Variants in HIVEP3 observed in about 807,000 individuals in gnomAD.
HIVEP3 encodes the protein HIVEP zinc finger 3.
In HIVEP3, 49 loss-of-function variants were observed where a neutral mutation model predicts 152.8. The ratio of observed to expected loss-of-function variants is 0.32; its 90% confidence interval spans 0.26 to 0.41. The LOEUF is 0.41. Among genes scored for constraint, HIVEP3 ranks in the 10% least tolerant of loss-of-function variants. The pLI is 1.00. For missense variants in HIVEP3, 2,790 were observed against 3,103.3 expected (o/e 0.90, Z 2.40); for synonymous variants, 1,269 against 1,289.0 (o/e 0.98, Z 0.33).
chr1:41,893,943 C>T lies in HIVEP3; in HGVS notation c.-801+24470G>A, dbSNP rs184674954. ...ATATATATAAATTGTCTTTCTGAGA[C>T]GAAGTCTCACTCTGTTGCACAGGCC... On this transcript the variant is annotated intron_variant, in intron 1 of 8. Transcript: ENST00000372583. Among the ~76,000 whole-genome samples the T allele has an allele frequency of 1.3e-3, 198 of 148,652 alleles. 1 individual carries two copies. Among genetic ancestry groups the T allele is most frequent in the African/African-American group, 4.3e-3 (176 of 40,460 alleles).
Position 41,579,756 on chromosome 1 carries a change from C to T in HIVEP3, c.5042G>A (p.Arg1681His), listed in dbSNP as rs114498379. 2.1e-3 allele frequency: 3,350 copies of T among 1,584,156 alleles called. 63 individuals carry two copies. The African/African-American group carries it at 0.04, about 19-fold the overall frequency. ...EAGRLVPSSS[R>H]KPRMTEVHLP... ...ACTTACCTCTGTCATGCGGGGCTTG[C>T]GGGAGCTGGATGGCACAAGCCTTCC... The change falls in exon 4 of 9, where the codon CGC becomes CAC. Residue 1681 changes from arginine (R) to histidine (H), a missense_variant. By Grantham distance (29) the Arg-to-His change is conservative. Transcript: ENST00000372583.
chr1:41,756,200 C>A (rs1647298313), intron 1 of HIVEP3, among the ~76,000 whole-genome samples: 1 of 152,052 alleles, frequency 6.6e-6, no homozygotes. Context: ...GTTTTAAAAG[C>A]CGATCTCAAA....
At chr1:41,712,087 C>T (rs1380045868) in intron 1 of HIVEP3, among the ~76,000 whole-genome samples, 15 of 152,140 alleles carry the variant, frequency 9.9e-5, no homozygotes, top group Non-Finnish European at 1.3e-4. Flanking sequence ...AACTGAGGTC[C>T]GGGGAGGAGA....
At chr1:41,871,638 T>C (rs1301757847) in intron 1 of HIVEP3, among the ~76,000 whole-genome samples, 1 of 152,226 alleles carries the variant, frequency 6.6e-6, no homozygotes, top group Admixed American at 6.5e-5. Context: ...TGGGATCAGG[T>C]TGATCTGCTG....
At chr1:41,648,987 G>C (rs1412366751) in intron 2 of HIVEP3, among the ~76,000 whole-genome samples, 1 of 152,226 alleles carries the variant, frequency 6.6e-6, no homozygotes, top group Non-Finnish European at 1.5e-5. Context: ...CTGCGTCCTT[G>C]TCTGCACAGC....
chr1:41,691,371 C>A (rs951686046), intron 2 of HIVEP3, among the ~76,000 whole-genome samples: 2 of 152,198 alleles, frequency 1.3e-5, no homozygotes, highest in Non-Finnish European at 2.9e-5. Context: ...ACTCAGATAA[C>A]TACTGACATG....
intron 3 of HIVEP3, among the ~76,000 whole-genome samples, chr1:41,610,701 G>A (rs760979293): frequency 6.6e-6 from 1 of 152,212 alleles, no homozygotes; most frequent in Non-Finnish European, 1.5e-5. Context: ...CACCCAGGGA[G>A]CCCGGTTTAA....
chr1:41,533,543 C>A lies in HIVEP3; in HGVS notation c.5208-8633G>T, dbSNP rs960109774. On this transcript the variant is annotated intron_variant, in intron 5 of 8. Transcript: ENST00000372583. This position sits in a 1 kb window ranked among gnomAD's most constrained non-coding sequence, Gnocchi z 4.3. Reference sequence around the variant, plus strand: ...TCTATGCTTTTGAGCCGCTGCAGCCCAGCTCTGATGACCAACTGTTCTTGC... The same window carrying A: ...TCTATGCTTTTGAGCCGCTGCAGCCAAGCTCTGATGACCAACTGTTCTTGC... 2.6e-5 allele frequency among the ~76,000 whole-genome samples: 4 copies of A among 152,120 alleles called. No individual in the cohort carries two copies. Among genetic ancestry groups the A allele is most frequent in the Non-Finnish European group, 5.9e-5 (4 of 68,024 alleles).
At chr1:41,517,196 C>T (rs1169537245) in intron 7 of HIVEP3, among the ~76,000 whole-genome samples, 2 of 152,220 alleles carry the variant, frequency 1.3e-5, no homozygotes, top group Non-Finnish European at 2.9e-5. Context: ...TTCAGGCTCC[C>T]CTGGTCCAGC....
At chr1:41,786,132 C>G (rs1190009829) in intron 1 of HIVEP3, among the ~76,000 whole-genome samples, 1 of 152,212 alleles carries the variant, frequency 6.6e-6, no homozygotes, top group African/African-American at 2.4e-5. Flanking sequence ...GATCCTGGCT[C>G]AGCTTACACT....
In HIVEP3 at chr1:41,955,713, T is replaced by C. The variant is rs1015125041; in HGVS notation, n.120-37189A>G. ...CTCATTTTTGTCCTTTCTTTAATAA[T>C]GAACGTGTGACTCAGAGGTTTAATG... On this transcript the variant is annotated intron_variant and non_coding_transcript_variant, in intron 1 of 3. Transcript: ENST00000489103. Among the ~76,000 whole-genome samples the C allele has an allele frequency of 3.9e-5, 6 of 152,210 alleles. No homozygotes were observed. In the East Asian group the frequency reaches 9.6e-4, roughly 24 times the overall value.
At chr1:41,972,090 T>C (rs1054174567) in intron 1 of HIVEP3, among the ~76,000 whole-genome samples, 2 of 152,226 alleles carry the variant, frequency 1.3e-5, no homozygotes, top group Non-Finnish European at 2.9e-5. Flanking sequence ...TATTTTATTA[T>C]AGCAGCACAA....
chr1:41,859,555 A>G (rs1173507005), intron 1 of HIVEP3, among the ~76,000 whole-genome samples: 3 of 152,122 alleles, frequency 2.0e-5, no homozygotes, highest in Non-Finnish European at 4.4e-5. Flanking sequence ...TTCACATCCT[A>G]CCTCCACCAC....
intron 3 of HIVEP3, among the ~76,000 whole-genome samples, chr1:41,622,431 A>G (rs4660549): frequency 0.77 from 116,736 of 152,128 alleles, 45,648 homozygotes; most frequent in East Asian, 1. Context: ...GAACAGGCTG[A>G]ACTGGGAATG....
chr1:41,920,284 A>G (rs1445446859), upstream of HIVEP3, among the ~76,000 whole-genome samples: 3 of 152,098 alleles, frequency 2.0e-5, no homozygotes, highest in African/African-American at 7.2e-5. Flanking sequence ...GCCACCACAG[A>G]CCTGAGCCCA....
At chr1:41,830,319 T>C (rs542486350) in intron 1 of HIVEP3, among the ~76,000 whole-genome samples, 1 of 152,270 alleles carries the variant, frequency 6.6e-6, no homozygotes, top group African/African-American at 2.4e-5. Context: ...GACCAATAAA[T>C]GAATATTCAA....
intron 1 of HIVEP3, among the ~76,000 whole-genome samples, chr1:41,908,056 A>AAAAAC (rs892463203): frequency 2.0e-4 from 30 of 152,308 alleles, no homozygotes; most frequent in Admixed American, 5.2e-4. Flanking sequence ...AGAAATAAGC[A>AAAAAC]AAAACAAAAC....
chr1:41,721,192 A>C (rs1458592781), intron 1 of HIVEP3, among the ~76,000 whole-genome samples: 1 of 150,188 alleles, frequency 6.7e-6, no homozygotes, highest in Admixed American at 6.6e-5. Context: ...CATGTGAAAC[A>C]TTCTTACTGC....
chr1:41,961,104 G>A (rs1386400361), intron 1 of HIVEP3, among the ~76,000 whole-genome samples: 1 of 152,162 alleles, frequency 6.6e-6, no homozygotes, highest in Non-Finnish European at 1.5e-5. Flanking sequence ...CAACAATTGT[G>A]CCAAGTTCTA....
Sources: allele counts gnomAD v4.1 joint callset (sites outside exome capture counted in the v4.1 genomes callset), GRCh38; gene constraint gnomAD v4.1.1; non-coding constraint Gnocchi (gnomAD v3.1); transcripts MANE v1.5; gene names NCBI Gene and HGNC (gene_info 2026-07-23, HGNC 2026-07-21).